Variants in GRAMD1B observed in about 807,000 individuals in gnomAD.
The protein encoded by GRAMD1B is GRAM domain containing 1B, also known as protein Aster-B.
GRAMD1B carries 37 observed loss-of-function variants against 99.7 expected under a neutral mutation model. The ratio of observed to expected loss-of-function variants is 0.37; its 90% confidence interval spans 0.29 to 0.49. The LOEUF is 0.49. GRAMD1B is among the 20% of genes least tolerant of loss of function. The pLI, the probability that GRAMD1B is intolerant of heterozygous loss-of-function variation, is 0.98. For synonymous variants in GRAMD1B, 427 were observed against 387.6 expected (o/e 1.10, Z -1.19); for missense variants, 888 against 1,009.2 (o/e 0.88, Z 1.63).
At chr11:123,503,371 C>T (rs900321181) in intron 2 of GRAMD1B, among the ~76,000 whole-genome samples, 2 of 152,190 alleles carry the variant, frequency 1.3e-5, no homozygotes, top group Admixed American at 6.5e-5. Flanking sequence ...CCAGAGCTAG[C>T]TTTGCATTGG....
At chr11:123,564,413 G>T (rs558613499) in intron 2 of GRAMD1B, among the ~76,000 whole-genome samples, 2 of 152,310 alleles carry the variant, frequency 1.3e-5, no homozygotes, top group Admixed American at 1.3e-4. Flanking sequence ...TCTAGTTCTT[G>T]CATAATAAAA....
chr11:123,596,755 A>G (rs1951322922), intron 7 of GRAMD1B, among the ~76,000 whole-genome samples: 1 of 152,210 alleles, frequency 6.6e-6, no homozygotes, highest in South Asian at 2.1e-4. Flanking sequence ...TTATTAAAAA[A>G]CAATTGAAGG....
intron 1 of GRAMD1B, among the ~76,000 whole-genome samples, chr11:123,377,759 ATTCT>A (rs1946737391): frequency 6.6e-6 from 1 of 152,222 alleles, no homozygotes; most frequent in Non-Finnish European, 1.5e-5. Context: ...TCCATTTGTT[ATTCT>A]TCCAATGGAA....
At chr11:123,589,017 T>C (rs1242524515) in intron 4 of GRAMD1B, among the ~76,000 whole-genome samples, 1 of 151,982 alleles carries the variant, frequency 6.6e-6, no homozygotes, top group East Asian at 1.9e-4. Context: ...TTTTAAATAA[T>C]TTTATGCACA....
At chr11:123,564,579 A>G (rs1231878614) in intron 2 of GRAMD1B, among the ~76,000 whole-genome samples, 1 of 152,232 alleles carries the variant, frequency 6.6e-6, no homozygotes, top group Non-Finnish European at 1.5e-5. Context: ...TTAGTTCATT[A>G]CATGTCTGTC....
intron 1 of GRAMD1B, among the ~76,000 whole-genome samples, chr11:123,401,869 A>G (rs1947673990): frequency 6.6e-6 from 1 of 152,054 alleles, no homozygotes; most frequent in South Asian, 2.1e-4. Context: ...TGGTCTCATC[A>G]CTCACTCCAG....
chr11:123,504,909 T>G (rs1940265758), intron 2 of GRAMD1B, among the ~76,000 whole-genome samples: 1 of 152,170 alleles, frequency 6.6e-6, no homozygotes, highest in South Asian at 2.1e-4. Flanking sequence ...CTCAAACTCC[T>G]GATCTCAAGT....
At chr11:123,460,318 A>G (rs1950350428) in intron 1 of GRAMD1B, 2 of 152,162 alleles carry the variant, frequency 1.3e-5, no homozygotes, top group South Asian at 4.1e-4. Context: ...GTAGATGAAT[A>G]TAGTAGAAAA....
chr11:123,488,932 G>C (rs557315169), intron 2 of GRAMD1B, among the ~76,000 whole-genome samples: 4 of 152,182 alleles, frequency 2.6e-5, no homozygotes, highest in South Asian at 2.1e-4. Context: ...AAATAGTTAG[G>C]GGGGGGCGGT....
At chr11:123,452,425 C>T (rs189121951) in intron 1 of GRAMD1B, among the ~76,000 whole-genome samples, 37 of 152,226 alleles carry the variant, frequency 2.4e-4, no homozygotes, top group Non-Finnish European at 3.8e-4. Context: ...GCAGGTGGAT[C>T]GCCTGAGGTC....
intron 1 of GRAMD1B, among the ~76,000 whole-genome samples, chr11:123,478,139 C>G (rs1393636496): frequency 2.0e-5 from 3 of 152,072 alleles, no homozygotes; most frequent in Admixed American, 1.3e-4. Context: ...CCACAGTCTT[C>G]CGAGTAGCTG....
At chr11:123,599,348 G>A in intron 7 of GRAMD1B, 1 of 696,680 alleles carries the variant, frequency 1.4e-6, no homozygotes, top group Non-Finnish European at 2.7e-6. Context: ...AATTGATCTG[G>A]TCCCAGAGCA....
At chr11:123,364,173 A>G (rs935312602) in intron 1 of GRAMD1B, among the ~76,000 whole-genome samples, 2 of 152,200 alleles carry the variant, frequency 1.3e-5, no homozygotes, top group African/African-American at 4.8e-5. Flanking sequence ...TACCTAGACT[A>G]GATAGCAATA....
intron 2 of GRAMD1B, among the ~76,000 whole-genome samples, chr11:123,512,974 C>T (rs867725046): frequency 6.6e-6 from 1 of 152,096 alleles, no homozygotes; most frequent in Admixed American, 6.5e-5. Flanking sequence ...CCATAAAGAG[C>T]CTATTTGTAT....
At chr11:123,535,603 G>C (rs1943883833) in intron 2 of GRAMD1B, among the ~76,000 whole-genome samples, 1 of 152,182 alleles carries the variant, frequency 6.6e-6, no homozygotes, top group Non-Finnish European at 1.5e-5. Flanking sequence ...TTCCCTCATA[G>C]TGAGCCATGG....
intron 1 of GRAMD1B, among the ~76,000 whole-genome samples, chr11:123,412,106 C>T (rs17127350): frequency 0.17 from 25,374 of 152,000 alleles, 2,828 homozygotes; most frequent in African/African-American, 0.33. Context: ...TTTTATTCCA[C>T]TTCCAGCAAA....
intron 2 of GRAMD1B, among the ~76,000 whole-genome samples, chr11:123,516,982 C>T (rs781747848): frequency 1.4e-4 from 22 of 152,268 alleles, no homozygotes; most frequent in Non-Finnish European, 2.4e-4. Flanking sequence ...AGCAATGGCA[C>T]GATCTTGGCT....
intron 2 of GRAMD1B, among the ~76,000 whole-genome samples, chr11:123,499,999 G>T (rs1465828780): frequency 6.6e-6 from 1 of 152,144 alleles, no homozygotes; most frequent in Admixed American, 6.5e-5. Context: ...TTAAATGATG[G>T]ATAGGTTCAA....
intron 2 of GRAMD1B, among the ~76,000 whole-genome samples, chr11:123,486,352 A>G (rs982493418): frequency 6.6e-6 from 1 of 152,142 alleles, no homozygotes; most frequent in Non-Finnish European, 1.5e-5. Context: ...GTTTGAGACC[A>G]GCCTGAGAAA....
Sources: allele counts gnomAD v4.1 joint callset (sites outside exome capture counted in the v4.1 genomes callset), GRCh38; gene constraint gnomAD v4.1.1; transcripts MANE v1.5; gene names NCBI Gene and HGNC (gene_info 2026-07-23, HGNC 2026-07-21).